Variants in MYO16 observed in about 807,000 individuals in gnomAD.
MYO16 encodes the protein unconventional myosin-XVI.
MYO16 carries 94 observed loss-of-function variants against 205.3 expected under a neutral mutation model. The observed-to-expected ratio is 0.46, with a 90% confidence interval of 0.39 to 0.54. The LOEUF (loss-of-function observed/expected upper bound fraction) is 0.54. MYO16 is among the 20% of genes least tolerant of loss of function. MYO16 has a pLI of 0.00. For synonymous variants in MYO16, 988 were observed against 954.0 expected (o/e 1.04, Z -0.66); for missense variants, 2,315 against 2,387.5 (o/e 0.97, Z 0.63).
intron 27 of MYO16, among the ~76,000 whole-genome samples, chr13:109,091,979 G>A (rs157036): frequency 0.99 from 150,898 of 152,336 alleles, 74,764 homozygotes; most frequent in Middle Eastern, 1. Context: ...GACCATGTGC[G>A]GTAAAATTAG....
chr13:109,059,877 G>C (rs573826803), intron 27 of MYO16, among the ~76,000 whole-genome samples: 7 of 152,202 alleles, frequency 4.6e-5, no homozygotes, highest in African/African-American at 1.4e-4. Context: ...TTCTTCTAGG[G>C]TTTTTATGGG....
intron 1 of MYO16, among the ~76,000 whole-genome samples, chr13:108,634,591 C>T (rs1594161683): frequency 6.6e-6 from 1 of 152,292 alleles, no homozygotes; most frequent in East Asian, 1.9e-4. Context: ...CTCCTTGTCT[C>T]CTCTTCCATG....
At chr13:109,105,197 G>A (rs571115514) in intron 28 of MYO16, among the ~76,000 whole-genome samples, 11 of 152,366 alleles carry the variant, frequency 7.2e-5, no homozygotes, top group East Asian at 3.9e-4. Flanking sequence ...CAGGCTGGGC[G>A]CAGTGGCTCA....
chr13:108,645,500 T>C (rs1276666716), intron 1 of MYO16, among the ~76,000 whole-genome samples: 5 of 152,174 alleles, frequency 3.3e-5, no homozygotes, highest in Admixed American at 6.6e-5. Context: ...TTGCCTACTC[T>C]GTGCCCCGAT....
At chr13:108,696,250 T>C (rs1378590806) in intron 2 of MYO16, among the ~76,000 whole-genome samples, 1 of 152,168 alleles carries the variant, frequency 6.6e-6, no homozygotes, top group African/African-American at 2.4e-5. Context: ...TCTATACAAA[T>C]GATTGCATGA....
At chr13:108,750,145 T>C (rs1885185824) in intron 4 of MYO16, among the ~76,000 whole-genome samples, 1 of 152,200 alleles carries the variant, frequency 6.6e-6, no homozygotes, top group African/African-American at 2.4e-5. Flanking sequence ...TAGGGGATTT[T>C]TTAGGGCAGT....
chr13:109,077,326 G>A (rs577390000), intron 27 of MYO16, among the ~76,000 whole-genome samples: 2 of 152,168 alleles, frequency 1.3e-5, no homozygotes, highest in South Asian at 4.2e-4. Context: ...AGCCTGTATA[G>A]ACATTTTTAG....
chr13:108,841,646 A>G (rs563680467), intron 9 of MYO16, among the ~76,000 whole-genome samples: 6 of 152,294 alleles, frequency 3.9e-5, no homozygotes, highest in African/African-American at 1.4e-4. Context: ...AGTTGGATAC[A>G]GAATATATAA....
chr13:108,643,812 A>G (rs1321907125), intron 1 of MYO16, among the ~76,000 whole-genome samples: 2 of 152,212 alleles, frequency 1.3e-5, no homozygotes, highest in East Asian at 1.9e-4. Flanking sequence ...TATTTGCCTC[A>G]GGTAAACACT....
At chr13:108,668,030 C>T (rs927301878) in intron 2 of MYO16, among the ~76,000 whole-genome samples, 4 of 152,082 alleles carry the variant, frequency 2.6e-5, no homozygotes, top group African/African-American at 9.7e-5. Flanking sequence ...AGAGCAAGAC[C>T]CTGTCTCAAA....
chr13:108,943,351 C>T (rs888491469), intron 16 of MYO16, among the ~76,000 whole-genome samples: 3 of 152,174 alleles, frequency 2.0e-5, no homozygotes, highest in Non-Finnish European at 2.9e-5. Flanking sequence ...TTAGACCCTA[C>T]GACGAGTTCC....
intron 17 of MYO16, among the ~76,000 whole-genome samples, chr13:108,960,840 C>T (rs1883553707): frequency 6.6e-6 from 1 of 152,212 alleles, no homozygotes; most frequent in Admixed American, 6.5e-5. Flanking sequence ...TTTAAGGTCT[C>T]ATTTTTTTTA....
In MYO16 at chr13:109,140,947, G is replaced by A. The variant is rs762538611; in HGVS notation, c.4735G>A (p.Gly1579Ser). 1 of 1,528,110 alleles carries A rather than the reference G, an allele frequency of 6.5e-7. No individual in the cohort carries two copies. The highest frequency in any genetic ancestry group is 1.2e-5 in the South Asian group (1 of 82,212). The allele number at this position is 1,528,110 out of a possible 1,614,324, so 94.7% of individuals were successfully genotyped here. Residue 1579 changes from glycine (G) to serine (S), a missense_variant, in exon 32 of 35, where the codon GGC (glycine) becomes AGC (serine). This residue lies in a region of MYO16 where 1,097 missense variants were observed against 1,092.0 expected (regional missense o/e 1.00). Transcript: ENST00000457511. This position sits in a 1 kb window ranked among gnomAD's most constrained non-coding sequence, Gnocchi z 8.0. Reference protein sequence around the residue: ...KGDGDRPASPGLALFNGSGRA... With the variant: ...KGDGDRPASPSLALFNGSGRA... The stretch of plus-strand genomic sequence containing the variant: ...CGACGGCGACAGGCCCGCGTCCCCC[G>A]GCCTGGCGCTGTTCAACGGGTCCGG...
In MYO16 at chr13:109,127,367, G is replaced by C; in HGVS notation, c.3868G>C (p.Val1290Leu). The C allele has an allele frequency of 1.9e-6, 3 of 1,613,528 alleles. No individual in the cohort carries two copies. Among genetic ancestry groups the C allele is most frequent in the Non-Finnish European group, 2.5e-6 (3 of 1,179,830 alleles). The part of the protein sequence containing the change: ...AAVDGLGQCL[V>L]GPSIWSPSLH... ...CGTGGATGGCCTGGGCCAGTGCCTC[G>C]TTGGCCCGTCCATCTGGTCTCCTTC... Residue 1290 changes from valine to leucine, a missense_variant, in exon 31 of 35, where the codon GTT becomes CTT. Val to Leu is a conservative substitution (Grantham distance 32). This residue lies in a region of MYO16 where 1,097 missense variants were observed against 1,092.0 expected (regional missense o/e 1.00). Transcript: ENST00000457511. The surrounding 1 kb of genome is among the most constrained non-coding windows in gnomAD (Gnocchi z 4.2).
chr13:108,590,734 G>A, the MYO16 span, among the ~76,000 whole-genome samples: 28 of 151,926 alleles, frequency 1.8e-4, no homozygotes, highest in East Asian at 4.3e-3. Flanking sequence ...GGTGGAGATC[G>A]GAGTGATGCA....
At chr13:108,754,037 A>T (rs1275952330) in intron 4 of MYO16, among the ~76,000 whole-genome samples, 1 of 152,262 alleles carries the variant, frequency 6.6e-6, no homozygotes, top group African/African-American at 2.4e-5. Context: ...ATTGCGTTCT[A>T]GTAGAAATGT....
In MYO16 at chr13:109,064,937, C is replaced by T. The variant is rs183083299; in HGVS notation, c.3335+9342C>T. Among the ~76,000 whole-genome samples, 179 of 152,268 alleles carry T rather than the reference C, an allele frequency of 1.2e-3. 1 individual carries two copies. The highest frequency in any genetic ancestry group is 2.0e-3 in the Non-Finnish European group (137 of 68,010). On this transcript the variant is annotated intron_variant, in intron 27 of 34. Transcript: ENST00000457511. Reference sequence around the variant, plus strand: ...CCCAAACTCAGTGGCATAAAACAGCCATATATTTTTTTCTCTCACTGCTGT... The same window carrying T: ...CCCAAACTCAGTGGCATAAAACAGCTATATATTTTTTTCTCTCACTGCTGT...
chr13:108,537,701 T>C, the MYO16 span, among the ~76,000 whole-genome samples: 3 of 152,122 alleles, frequency 2.0e-5, no homozygotes. Context: ...TAATAGCCAT[T>C]GTGACTGGTG....
intron 1 of MYO16, among the ~76,000 whole-genome samples, chr13:108,657,335 G>A (rs59520473): frequency 0.011 from 1,639 of 152,234 alleles, 33 homozygotes; most frequent in African/African-American, 0.037. Flanking sequence ...AGGAAATGTC[G>A]AAGAGAGAAG....
Sources: gnomAD v4.1 joint callset for allele counts (sites outside exome capture counted in the v4.1 genomes callset) on GRCh38, gnomAD v4.1.1 for gene constraint, gnomAD v4.1.1 regional missense constraint, Gnocchi (gnomAD v3.1) non-coding constraint, MANE v1.5 for transcripts, NCBI Gene and HGNC (gene_info 2026-07-23, HGNC 2026-07-21) for gene names.